Variants in PCDHA5 observed in about 807,000 individuals in gnomAD.
PCDHA5 encodes protocadherin alpha-5.
PCDHA5 carries 43 observed loss-of-function variants against 61.6 expected under a neutral mutation model. The ratio of observed to expected loss-of-function variants is 0.70; its 90% CI spans 0.55 to 0.90. The LOEUF (loss-of-function observed/expected upper bound fraction) is 0.90, where lower values mean the gene tolerates loss of function less well. Ranked by LOEUF, PCDHA5 falls within the 40% of genes least tolerant of loss-of-function variation. PCDHA5 has a pLI of 0.00. For synonymous variants in PCDHA5, 627 were observed against 543.9 expected, an observed-to-expected ratio of 1.15 and a Z score of -2.13; for missense variants, 1,298 against 1,222.7, an observed-to-expected ratio of 1.06 and a Z score of -0.92.
chr5:140,884,750 A>G, intron 1 of PCDHA5: 1 of 1,431,238 alleles, frequency 7.0e-7, no homozygotes, highest in Non-Finnish European at 9.2e-7. Flanking sequence ...TGCCAATTTC[A>G]AATTATTCTT....
chr5:140,925,964 CA>C lies in PCDHA5; in HGVS notation c.2353-52976del, dbSNP rs782520997. Among the ~76,000 whole-genome samples the C allele has an allele frequency of 8.1e-3, 1,224 of 150,190 alleles. 5 individuals carry two copies. The highest frequency in any genetic ancestry group is 0.019 in the African/African-American group (788 of 40,962). ...TGGAGAAGGAGAAACTGCTATCACG[CA>C]AAAAAAAAGCCTTGAGCTCGCTGGC... On this transcript the variant is annotated intron_variant, in intron 1 of 3. Transcript: ENST00000529859.
At chr5:140,907,239 C>T (rs1447900433) in intron 1 of PCDHA5, among the ~76,000 whole-genome samples, 1 of 152,200 alleles carries the variant, frequency 6.6e-6, no homozygotes, top group Non-Finnish European at 1.5e-5. Context: ...ACCTAGTTGA[C>T]ATTGTAATTG....
chr5:140,944,346 C>A (rs2093644964), intron 1 of PCDHA5, among the ~76,000 whole-genome samples: 2 of 152,130 alleles, frequency 1.3e-5, no homozygotes, highest in African/African-American at 4.8e-5. Flanking sequence ...TGCCACCACA[C>A]CTGGCTAATT....
chr5:140,852,182 A>C, intron 1 of PCDHA5: 1 of 758,132 alleles, frequency 1.3e-6, no homozygotes. Context: ...AATAACTATG[A>C]AAATGCCAGT....
intron 1 of PCDHA5, among the ~76,000 whole-genome samples, chr5:140,916,791 G>A (rs1159820496): frequency 6.6e-6 from 1 of 152,128 alleles, no homozygotes; most frequent in Admixed American, 6.5e-5. Flanking sequence ...AGCTGCCCCA[G>A]CTGATGACTT....
At chr5:140,945,142 A>G (rs2093746990) in intron 1 of PCDHA5, among the ~76,000 whole-genome samples, 1 of 152,184 alleles carries the variant, frequency 6.6e-6, no homozygotes. Context: ...AATCAATAGC[A>G]TTTCTATACA....
intron 1 of PCDHA5, among the ~76,000 whole-genome samples, chr5:140,887,278 A>G (rs782205714): frequency 5.9e-5 from 9 of 151,950 alleles, no homozygotes; most frequent in Non-Finnish European, 8.8e-5. Flanking sequence ...TTGTATTTTT[A>G]GTAGAGATGG....
At chr5:141,006,222 T>C (rs1463720721) in intron 3 of PCDHA5, among the ~76,000 whole-genome samples, 1 of 152,098 alleles carries the variant, frequency 6.6e-6, no homozygotes, top group Non-Finnish European at 1.5e-5. Flanking sequence ...TTTTAAATTT[T>C]TTATTTTTAG....
At chr5:140,916,273 G>C (rs962847536) in intron 1 of PCDHA5, among the ~76,000 whole-genome samples, 7 of 152,176 alleles carry the variant, frequency 4.6e-5, no homozygotes, top group African/African-American at 1.7e-4. Flanking sequence ...CATGCTTGTT[G>C]CTCTACTCCA....
intron 1 of PCDHA5, chr5:140,875,247 A>G (rs1427742475): frequency 2.1e-6 from 2 of 962,258 alleles, no homozygotes; most frequent in Non-Finnish European, 2.9e-6. Context: ...TTACATAATC[A>G]GTCACATGAT....
intron 1 of PCDHA5, among the ~76,000 whole-genome samples, chr5:140,879,282 A>T (rs1554170732): frequency 1.3e-5 from 2 of 152,238 alleles, no homozygotes; most frequent in Non-Finnish European, 2.9e-5. Context: ...ACTCAATACA[A>T]ATGATAAGAG....
chr5:140,942,206 T>G (rs916002360), intron 1 of PCDHA5, among the ~76,000 whole-genome samples: 1 of 152,152 alleles, frequency 6.6e-6, no homozygotes, highest in African/African-American at 2.4e-5. Context: ...TTTTTGAGCA[T>G]AAGATATTTA....
At chr5:140,857,890 G>A in intron 1 of PCDHA5, 3 of 1,597,852 alleles carry the variant, frequency 1.9e-6, no homozygotes, top group Non-Finnish European at 2.6e-6. Context: ...AGTCGGCGGC[G>A]GTTGGTGCAC....
intron 1 of PCDHA5, among the ~76,000 whole-genome samples, chr5:140,827,704 CA>C (rs1554130856): frequency 6.6e-6 from 1 of 152,168 alleles, no homozygotes; most frequent in Non-Finnish European, 1.5e-5. Flanking sequence ...ATTAATGTTG[CA>C]AATATTGGTA....
intron 1 of PCDHA5, chr5:140,871,196 AC>A (rs782394304): frequency 1.7e-5 from 28 of 1,613,546 alleles, no homozygotes; most frequent in Non-Finnish European, 2.2e-5. Context: ...GTCAACGTGT[AC>A]CTGATCATCG....
In PCDHA5 at chr5:141,010,504, A is replaced by C; in HGVS notation, c.*567A>C. On this transcript the variant is annotated 3_prime_UTR_variant, in exon 4 of 4. Transcript: ENST00000529859. ...AACTTAAAGGGACCAGACTTTCTAA[A>C]TCTTACAACTCAAGAGGTGGCAGCC... is the stretch of plus-strand genomic sequence containing the variant. 1.8e-6 allele frequency: 1 copy of C among 549,734 alleles called. No homozygotes were observed. Among genetic ancestry groups the C allele is most frequent in the Non-Finnish European group, 2.9e-6 (1 of 344,512 alleles). The allele number at this position is 549,734 out of a possible 1,614,324, so 34.1% of individuals were successfully genotyped here.
At chr5:140,944,823 C>T (rs1246814273) in intron 1 of PCDHA5, among the ~76,000 whole-genome samples, 1 of 152,148 alleles carries the variant, frequency 6.6e-6, no homozygotes, top group Non-Finnish European at 1.5e-5. Context: ...ATCTTTGCCC[C>T]ATAATTGTAA....
intron 1 of PCDHA5, among the ~76,000 whole-genome samples, chr5:140,879,771 G>A (rs1413027496): frequency 6.6e-6 from 1 of 152,156 alleles, no homozygotes; most frequent in Admixed American, 6.5e-5. Flanking sequence ...GGAGGCCCCA[G>A]GGAAGAATCT....
Position 140,850,965 on chromosome 5 carries a change from G to C in PCDHA5, c.2352+26838G>C, listed in dbSNP as rs200912451. 36 of 1,464,074 alleles carry C rather than the reference G, an allele frequency of 2.5e-5. 1 individual carries two copies. In the Middle Eastern group the frequency reaches 5.9e-4, roughly 24 times the overall value. 90.7% of individuals were successfully genotyped at this position (1,464,074 alleles called of 1,614,324 possible). A position where few individuals can be genotyped will look rare whatever the true frequency, so the allele number is the denominator to read the frequency against. On this transcript the variant is annotated intron_variant, in intron 1 of 3. Transcript: ENST00000529859. Reference sequence around the variant, plus strand: ...ATATTATCGATTACTCCCAGGGGCCGTTCAAATAGTTTTATTCATTTTTCT... The same window carrying C: ...ATATTATCGATTACTCCCAGGGGCCCTTCAAATAGTTTTATTCATTTTTCT...
Sources: allele counts gnomAD v4.1 joint callset (sites outside exome capture counted in the v4.1 genomes callset), GRCh38; gene constraint gnomAD v4.1.1; transcripts MANE v1.5; gene names NCBI Gene and HGNC (gene_info 2026-07-23, HGNC 2026-07-21).